Variants in HMGA2 observed in about 807,000 individuals in gnomAD.
HMGA2 encodes the protein high mobility group AT-hook 2.
A neutral mutation model predicts 19.1 loss-of-function variants in HMGA2; 8 were observed. The ratio of observed to expected loss-of-function variants is 0.42; its 90% CI spans 0.25 to 0.76. The LOEUF is 0.76. Among genes scored for constraint, HMGA2 ranks in the 30% least tolerant of loss-of-function variants. The probability of loss-of-function intolerance (pLI) is 0.28; values close to 1 mark genes in which losing one functional copy is unlikely to be tolerated. For synonymous variants in HMGA2, 60 were observed against 48.8 expected (o/e 1.23, Z -0.96); for missense variants, 109 against 136.3 (o/e 0.80, Z 1.00).
intron 3 of HMGA2, chr12:65,866,665 A>C (rs1218209823): frequency 2.7e-6 from 1 of 369,140 alleles, no homozygotes; most frequent in East Asian, 7.3e-5. Context: ...TAAGCTTCAA[A>C]GTGAAATAAA....
intron 3 of HMGA2, chr12:65,934,813 T>G (rs1234744618): frequency 6.6e-6 from 1 of 152,116 alleles, no homozygotes; most frequent in Non-Finnish European, 1.5e-5. Flanking sequence ...CCTGCATGAG[T>G]GGTGAGTATC....
intron 3 of HMGA2, among the ~76,000 whole-genome samples, chr12:65,910,072 G>A (rs928633943): frequency 6.6e-6 from 1 of 152,194 alleles, no homozygotes; most frequent in Non-Finnish European, 1.5e-5. Flanking sequence ...AGGAGAGAGA[G>A]CATACACTAG....
At position 65,884,773 on chromosome 12, in the gene HMGA2, T is replaced by G. The variant is rs146891738; in HGVS notation, c.249+46204T>G. Among the ~76,000 whole-genome samples, 315 of 152,330 alleles carry G rather than the reference T, an allele frequency of 2.1e-3. 2 individuals are homozygous for G. Among genetic ancestry groups the G allele is most frequent in the African/African-American group, 7.3e-3 (302 of 41,584 alleles). On this transcript the variant is annotated intron_variant, in intron 3 of 4. Coordinates refer to ENST00000403681, the MANE Select transcript of HMGA2 (RefSeq NM_003483.6). ...ATATGTACTAGAATCATTACCTGTA[T>G]GAACTTGGACGCGTTTCTTAATCTA... is the stretch of plus-strand genomic sequence containing the variant.
intron 3 of HMGA2, among the ~76,000 whole-genome samples, chr12:65,855,067 C>T (rs957223834): frequency 1.3e-5 from 2 of 152,196 alleles, no homozygotes; most frequent in South Asian, 2.1e-4. Context: ...GGGAGTGTAA[C>T]ACACCTGCTT....
At chr12:65,934,939 G>A (rs1473698992) in intron 3 of HMGA2, 1 of 152,246 alleles carries the variant, frequency 6.6e-6, no homozygotes, top group Admixed American at 6.5e-5. Context: ...TCTCACCAGT[G>A]GTCAGAGCAG....
chr12:65,845,075 T>C (rs1231055685), intron 3 of HMGA2, among the ~76,000 whole-genome samples: 1 of 152,172 alleles, frequency 6.6e-6, no homozygotes, highest in Non-Finnish European at 1.5e-5. Context: ...TACATTCACC[T>C]TACTGTAAGT....
At chr12:65,925,845 AGAAG>A (rs1875486556) in intron 3 of HMGA2, among the ~76,000 whole-genome samples, 1 of 152,186 alleles carries the variant, frequency 6.6e-6, no homozygotes, top group Admixed American at 6.5e-5. Flanking sequence ...CTTACATAGC[AGAAG>A]GAAGGAAGTT....
intron 3 of HMGA2, among the ~76,000 whole-genome samples, chr12:65,846,336 A>G (rs546128880): frequency 6.6e-6 from 1 of 152,344 alleles, no homozygotes; most frequent in African/African-American, 2.4e-5. Context: ...CAGATTCAGA[A>G]GAATGGCATC....
At chr12:65,884,117 C>T (rs754675384) in intron 3 of HMGA2, among the ~76,000 whole-genome samples, 5 of 152,166 alleles carry the variant, frequency 3.3e-5, no homozygotes, top group Admixed American at 2.6e-4. Context: ...CCACCCACCT[C>T]GGCCTCCCAA....
intron 3 of HMGA2, among the ~76,000 whole-genome samples, chr12:65,908,250 G>C (rs1013797704): frequency 2.0e-5 from 3 of 152,178 alleles, no homozygotes; most frequent in African/African-American, 7.2e-5. Flanking sequence ...CCTGTATACA[G>C]GCTGGGTTTC....
intron 3 of HMGA2, chr12:65,858,743 C>T (rs188586011): frequency 6.6e-6 from 1 of 152,222 alleles, no homozygotes; most frequent in Admixed American, 6.5e-5. Flanking sequence ...CACAAAAAAC[C>T]TCCTAAAAAT....
chr12:65,915,658 GCTGC>G, intron 3 of HMGA2: 2 of 573,928 alleles, frequency 3.5e-6, no homozygotes, highest in Non-Finnish European at 4.5e-6. Flanking sequence ...CTTCAGATGG[GCTGC>G]CATGACTTCT....
At chr12:65,869,603 A>AC in intron 3 of HMGA2, among the ~76,000 whole-genome samples, 1 of 152,344 alleles carries the variant, frequency 6.6e-6, no homozygotes, top group South Asian at 2.1e-4. Flanking sequence ...ATGGTCAAAA[A>AC]ATACAATTCA....
In HMGA2 at chr12:65,887,124, T is replaced by TC. The variant is rs562717641; in HGVS notation, c.249+48562dup. ...AAGAGTTCATTACACAAACGCTGAC[T>TC]CCCCCCCTCATAAAATGGATGATAT... On this transcript the variant is annotated intron_variant, in intron 3 of 4. Coordinates refer to ENST00000403681, the MANE Select transcript of HMGA2 (RefSeq NM_003483.6). Among the ~76,000 whole-genome samples, 35 of 152,038 alleles carry TC rather than the reference T, an allele frequency of 2.3e-4. No homozygotes were observed. In the South Asian group the frequency reaches 5.6e-3, roughly 24 times the overall value.
At chr12:65,849,928 A>G (rs1360540582) in intron 3 of HMGA2, among the ~76,000 whole-genome samples, 1 of 152,010 alleles carries the variant, frequency 6.6e-6, no homozygotes, top group African/African-American at 2.4e-5. Context: ...CATGTTGGCC[A>G]GGCTGGTCTC....
chr12:65,957,693 C>T (rs1876642420), intron 4 of HMGA2: 1 of 152,068 alleles, frequency 6.6e-6, no homozygotes, highest in Non-Finnish European at 1.5e-5. Context: ...ATGTGCCTAC[C>T]ATTTCCAGAT....
At chr12:65,944,698 C>A (rs1876201594) in intron 3 of HMGA2, among the ~76,000 whole-genome samples, 1 of 152,132 alleles carries the variant, frequency 6.6e-6, no homozygotes, top group Non-Finnish European at 1.5e-5. Context: ...GGGATTAAAC[C>A]ATATGAAATT....
chr12:65,926,907 A>G (rs1875525082), intron 3 of HMGA2, among the ~76,000 whole-genome samples: 1 of 152,186 alleles, frequency 6.6e-6, no homozygotes, highest in Admixed American at 6.5e-5. Flanking sequence ...AGGAAAAAAA[A>G]AGTGCTTTTC....
chr12:65,890,293 C>T (rs900984742), intron 3 of HMGA2, among the ~76,000 whole-genome samples: 3 of 152,148 alleles, frequency 2.0e-5, no homozygotes, highest in African/African-American at 7.2e-5. Context: ...CTTTGCACGT[C>T]CAGCCCTTAG....
Sources: allele counts gnomAD v4.1 joint callset (sites outside exome capture counted in the v4.1 genomes callset), GRCh38; gene constraint gnomAD v4.1.1; transcripts MANE v1.5; gene names NCBI Gene and HGNC (gene_info 2026-07-23, HGNC 2026-07-21).